The following ADCK1 variants were observed in gnomAD, a reference collection of about 807,000 sequenced individuals.
ADCK1 encodes the protein aarF domain containing kinase 1, also known as aarF domain-containing protein kinase 1.
In ADCK1, 41 loss-of-function variants were observed where a neutral mutation model predicts 52.3. That is an observed-to-expected ratio of 0.78 (90% CI 0.61 to 1.02). ADCK1 has a LOEUF of 1.02. Among genes scored for constraint, ADCK1 ranks in the 50% least tolerant of loss-of-function variants. ADCK1 has a pLI of 0.00. For synonymous variants in ADCK1, 250 were observed against 274.6 expected (o/e 0.91, Z 0.89); for missense variants, 658 against 679.5 (o/e 0.97, Z 0.35).
chr14:77,914,827 T>C (rs779965989), intron 7 of ADCK1, among the ~76,000 whole-genome samples: 1 of 152,220 alleles, frequency 6.6e-6, no homozygotes, highest in Non-Finnish European at 1.5e-5. Context: ...TCTTCCTCCA[T>C]AGAATCTTCG....
Position 77,934,656 on chromosome 14 carries a change from A to G in ADCK1, c.*1265A>G, listed in dbSNP as rs1434456524. The G allele has an allele frequency of 6.6e-6, 1 of 152,024 alleles. No individual in the cohort carries two copies. Among genetic ancestry groups the G allele is most frequent in the Non-Finnish European group, 1.5e-5 (1 of 68,036 alleles). 9.4% of individuals were successfully genotyped at this position (152,024 alleles called of 1,614,324 possible). On this transcript the variant is annotated 3_prime_UTR_variant, in exon 11 of 11. Transcript: ENST00000238561. ...TCCCTAAGCTCCTGCTCTAATTCCCATGTCTTTGTCTTTGGCAGGTCCTAC... is the reference window on the plus strand; with the variant it reads ...TCCCTAAGCTCCTGCTCTAATTCCCGTGTCTTTGTCTTTGGCAGGTCCTAC...
chr14:77,847,917 A>G (rs1276025117), intron 3 of ADCK1, among the ~76,000 whole-genome samples: 3 of 152,194 alleles, frequency 2.0e-5, no homozygotes, highest in Non-Finnish European at 4.4e-5. Context: ...AGACGTGGCC[A>G]GAGCCATGGT....
At chr14:77,915,231 G>A (rs927111411) in intron 7 of ADCK1, among the ~76,000 whole-genome samples, 3 of 150,338 alleles carry the variant, frequency 2.0e-5, no homozygotes, top group Non-Finnish European at 4.4e-5. Flanking sequence ...TGTGCACAAC[G>A]TGCAGGTTAG....
At chr14:77,875,397 G>A (rs1243087426) in intron 4 of ADCK1, among the ~76,000 whole-genome samples, 1 of 152,092 alleles carries the variant, frequency 6.6e-6, no homozygotes, top group African/African-American at 2.4e-5. Flanking sequence ...GGAGCGAGTG[G>A]GTTGTGGTCA....
chr14:77,852,905 ATATTTTTTTTTTTT>A (rs1191977777), intron 3 of ADCK1, among the ~76,000 whole-genome samples: 3 of 28,448 alleles, frequency 1.1e-4, no homozygotes, highest in African/African-American at 3.9e-4. Flanking sequence ...ATATATATAT[ATATTTTTTTTTTTT>A]TTTTTTTTTT....
chr14:77,828,438 A>G (rs1473346860), intron 3 of ADCK1, among the ~76,000 whole-genome samples: 5 of 152,220 alleles, frequency 3.3e-5, no homozygotes, highest in African/African-American at 1.2e-4. Context: ...TTTAATGAAC[A>G]TGTTAATGAT....
intron 9 of ADCK1, among the ~76,000 whole-genome samples, chr14:77,927,832 G>A (rs534733535): frequency 6.6e-6 from 1 of 152,358 alleles, no homozygotes; most frequent in East Asian, 1.9e-4. Flanking sequence ...CGGAGGAGCC[G>A]TGGGCAGGAA....
In ADCK1 at chr14:77,887,755, G is replaced by A. The variant is rs117447827; in HGVS notation, c.582+506G>A. ...AATGAAGAAATTCACGTGTCTGAAC[G>A]GTCCTAGGAAAAACCCTTAGTGGAC... On this transcript the variant is annotated intron_variant, in intron 5 of 10. Transcript: ENST00000238561. Among the ~76,000 whole-genome samples, 205 of 152,246 alleles carry A rather than the reference G, an allele frequency of 1.3e-3. 9 individuals are homozygous for A. In the East Asian group the frequency reaches 0.034, roughly 25 times the overall value.
chr14:77,818,863 C>T (rs2081519921), intron 1 of ADCK1, 105 bp from the exon 2 acceptor site: 8 of 1,330,990 alleles, frequency 6.0e-6, no homozygotes, highest in Admixed American at 2.2e-5. Flanking sequence ...GATTAATGAT[C>T]CAAGGTCATA....
intron 3 of ADCK1, among the ~76,000 whole-genome samples, chr14:77,827,212 C>T (rs12437075): frequency 0.013 from 1,951 of 150,678 alleles, 20 homozygotes; most frequent in Middle Eastern, 0.034. Flanking sequence ...ATTAGCTGGG[C>T]GTGGTGGTGG....
At chr14:77,897,124 A>G (rs2083427988) in intron 5 of ADCK1, among the ~76,000 whole-genome samples, 1 of 152,216 alleles carries the variant, frequency 6.6e-6, no homozygotes, top group Non-Finnish European at 1.5e-5. Flanking sequence ...TTTGGTACCA[A>G]CAGGCCCACA....
intron 1 of ADCK1, among the ~76,000 whole-genome samples, chr14:77,801,476 T>C (rs1253916536): frequency 6.6e-6 from 1 of 152,240 alleles, no homozygotes; most frequent in African/African-American, 2.4e-5. Context: ...ATGTAGTCTA[T>C]ACTTGTCATT....
At chr14:77,896,956 G>T (rs192695282) in intron 5 of ADCK1, among the ~76,000 whole-genome samples, 1 of 152,182 alleles carries the variant, frequency 6.6e-6, no homozygotes, top group East Asian at 1.9e-4. Context: ...AAACAAAGCT[G>T]TAAATGCCTT....
At chr14:77,924,066 G>C (rs745869963) in intron 7 of ADCK1, 191 of 174,804 alleles carry the variant, frequency 1.1e-3, no homozygotes, top group Non-Finnish European at 1.7e-3. Flanking sequence ...CAGCCCAGCT[G>C]TTCAGCCCAT....
intron 4 of ADCK1, among the ~76,000 whole-genome samples, chr14:77,873,553 G>A (rs2082832687): frequency 6.6e-6 from 1 of 152,236 alleles, no homozygotes; most frequent in Non-Finnish European, 1.5e-5. Flanking sequence ...TTGAATGTGT[G>A]CACTTGTGTG....
At chr14:77,891,165 T>C (rs1221940771) in intron 5 of ADCK1, among the ~76,000 whole-genome samples, 3 of 151,834 alleles carry the variant, frequency 2.0e-5, no homozygotes, top group African/African-American at 7.3e-5. Flanking sequence ...AATGAGGGGG[T>C]AGAAGGTAGC....
chr14:77,862,072 C>T (rs1434706747), intron 4 of ADCK1, among the ~76,000 whole-genome samples: 1 of 152,152 alleles, frequency 6.6e-6, no homozygotes. Flanking sequence ...GCTGGTGATT[C>T]GTCCCCTACA....
At chr14:77,908,107 G>A (rs2083709498) in intron 7 of ADCK1, 188 bp downstream of exon 7, 1 of 514,806 alleles carries the variant, frequency 1.9e-6, no homozygotes, top group Non-Finnish European at 3.5e-6. Flanking sequence ...CCAGCCCTGT[G>A]CACACAGCGG....
At chr14:77,814,329 T>C (rs577226759) in intron 1 of ADCK1, among the ~76,000 whole-genome samples, 32 of 151,892 alleles carry the variant, frequency 2.1e-4, no homozygotes, top group African/African-American at 7.7e-4. Flanking sequence ...TCCTCACATC[T>C]TGGCTTCCCA....
Sources: allele counts gnomAD v4.1 joint callset (sites outside exome capture counted in the v4.1 genomes callset), GRCh38; gene constraint gnomAD v4.1.1; transcripts MANE v1.5; gene names NCBI Gene and HGNC (gene_info 2026-07-23, HGNC 2026-07-21).